DOCK9: variants seen among roughly 807,000 people sequenced by gnomAD.
DOCK9 encodes the protein dedicator of cytokinesis 9, also known as dedicator of cytokinesis protein 9.
In DOCK9, 89 loss-of-function variants were observed where a neutral mutation model predicts 263.3. The observed-to-expected ratio is 0.34, with a 90% CI of 0.28 to 0.40. The LOEUF is 0.40. DOCK9 is among the 10% of genes least tolerant of loss of function. The probability of loss-of-function intolerance (pLI) is 1.00; values close to 1 mark genes in which losing one functional copy is unlikely to be tolerated. For missense variants in DOCK9, 2,140 were observed against 2,603.4 expected, an observed-to-expected ratio of 0.82 and a Z score of 3.87; for synonymous variants, 976 against 973.1, an observed-to-expected ratio of 1.00 and a Z score of -0.06.
At chr13:99,059,259 T>TG (rs2041072401) in intron 1 of DOCK9, among the ~76,000 whole-genome samples, 1 of 152,204 alleles carries the variant, frequency 6.6e-6, no homozygotes, top group African/African-American at 2.4e-5. Context: ...CTGTATCAGC[T>TG]GCCTACTCAA....
chr13:99,033,742 C>T (rs146508516), intron 1 of DOCK9, among the ~76,000 whole-genome samples: 1 of 152,332 alleles, frequency 6.6e-6, no homozygotes, highest in East Asian at 1.9e-4. Flanking sequence ...ACTAAAGTGT[C>T]TGAACTAGGA....
intron 1 of DOCK9, among the ~76,000 whole-genome samples, chr13:99,036,401 C>T (rs1887884623): frequency 6.6e-6 from 1 of 152,162 alleles, no homozygotes; most frequent in South Asian, 2.1e-4. Context: ...TGTGAGAATA[C>T]AATAGAAGTC....
At chr13:98,824,337 G>A (rs2092431769) in intron 45 of DOCK9, 61 bp downstream of exon 45, 1 of 1,481,816 alleles carries the variant, frequency 6.7e-7, no homozygotes, top group Non-Finnish European at 9.4e-7. Context: ...CACTAGCAAT[G>A]CAAACAGCAG....
chr13:99,039,588 C>G (rs781347872), intron 1 of DOCK9, among the ~76,000 whole-genome samples: 12 of 152,182 alleles, frequency 7.9e-5, no homozygotes, highest in Non-Finnish European at 1.6e-4. Flanking sequence ...TTACCATTCT[C>G]TCAACAAGCA....
intron 38 of DOCK9, among the ~76,000 whole-genome samples, chr13:98,843,368 A>AAC (rs2093287754): frequency 1.3e-5 from 2 of 152,156 alleles, no homozygotes; most frequent in African/African-American, 2.4e-5. Flanking sequence ...ATATATATAA[A>AAC]ACACACACAC....
intron 32 of DOCK9, among the ~76,000 whole-genome samples, chr13:98,861,874 C>T (rs2141906165): frequency 6.6e-6 from 1 of 152,280 alleles, no homozygotes; most frequent in South Asian, 2.1e-4. Context: ...TCATGTCCCT[C>T]ACCTTGGCAT....
chr13:98,949,382 A>G (rs1425490123), intron 2 of DOCK9, among the ~76,000 whole-genome samples: 1 of 152,214 alleles, frequency 6.6e-6, no homozygotes, highest in African/African-American at 2.4e-5. Flanking sequence ...CAGGAGTCTT[A>G]CAGAGCCTTG....
chr13:98,978,050 G>A lies in DOCK9; in HGVS notation c.-141C>T. 1 of 1,436,854 alleles carries A rather than the reference G, an allele frequency of 7.0e-7. No homozygotes were observed. Among genetic ancestry groups the A allele is most frequent in the Non-Finnish European group, 9.1e-7 (1 of 1,100,280 alleles). 89.0% of individuals were successfully genotyped at this position (1,436,854 alleles called of 1,614,324 possible). On this transcript the variant is annotated 5_prime_UTR_variant, in exon 1 of 53. Coordinates refer to ENST00000682017, the MANE Select transcript of DOCK9 (RefSeq NM_001366683.2). ...GCACAAGTGGTCAGCCCCGCTGGCT[G>A]GGTCTGCAGAGCCTGTGGGGTGGGA... is the stretch of plus-strand genomic sequence containing the variant.
chr13:98,898,203 C>G lies in DOCK9; in HGVS notation c.1562G>C (p.Arg521Thr). Residue 521 changes from arginine (R) to threonine (T), a missense_variant, in exon 14 of 53, where the codon AGA becomes ACA. Around this residue, in one of 2 missense-constraint regions of DOCK9, gnomAD observed 1,521 missense variants for 1,741.7 expected, o/e 0.87. Transcript: ENST00000682017. ...CCTTGCTGCCCAAGCAAATGGCATT[C>G]TATACTGTCCTAGTCTTTGGCATGC... is the stretch of plus-strand genomic sequence containing the variant. ...KQACQRLGQY[R>T]MPFAWAARTL... The G allele has an allele frequency of 6.2e-7, 1 of 1,611,900 alleles. No individual in the cohort carries two copies. The highest frequency in any genetic ancestry group is 8.5e-7 in the Non-Finnish European group (1 of 1,179,014).
intron 1 of DOCK9, among the ~76,000 whole-genome samples, chr13:99,066,323 A>C (rs1182919108): frequency 1.3e-5 from 2 of 151,076 alleles, no homozygotes; most frequent in Non-Finnish European, 3.0e-5. Context: ...TGCCATGCAA[A>C]TTTGTGTTCT....
chr13:98,927,503 G>A (rs762489745), intron 3 of DOCK9, among the ~76,000 whole-genome samples: 2 of 152,126 alleles, frequency 1.3e-5, no homozygotes, highest in Non-Finnish European at 2.9e-5. Flanking sequence ...CAAGTCTCCT[G>A]CAGGACATTA....
chr13:99,067,651 T>C (rs184535154), intron 1 of DOCK9, among the ~76,000 whole-genome samples: 20 of 152,308 alleles, frequency 1.3e-4, no homozygotes, highest in African/African-American at 4.8e-4. Context: ...GACTTCTCCA[T>C]TGTGCAGGTG....
chr13:99,081,163 G>A (rs2042107234), intron 1 of DOCK9, among the ~76,000 whole-genome samples: 1 of 152,214 alleles, frequency 6.6e-6, no homozygotes, highest in African/African-American at 2.4e-5. Context: ...GGCCAGTTCA[G>A]TTATCAGCTT....
Position 98,879,951 on chromosome 13 carries a change from C to G in DOCK9, c.2890G>C (p.Asp964His), listed in dbSNP as rs549560636. Reference sequence around the variant, plus strand: ...TGAGCCATAGATTTGATCAGTACATCAAAGAAAAACCATGAGTACTAAAAG... The same window carrying G: ...TGAGCCATAGATTTGATCAGTACATGAAAGAAAAACCATGAGTACTAAAAG... ...KLLKYSWFFFDVLIKSMAQHL... is the reference protein window; with the variant it reads ...KLLKYSWFFFHVLIKSMAQHL... Residue 964 changes from aspartate to histidine, a missense_variant, in exon 27 of 53, where the codon GAT becomes CAT. Physicochemically the swap from Asp to His is moderately conservative, Grantham distance 81. This residue lies in a region of DOCK9 where 1,521 missense variants were observed against 1,741.7 expected (regional missense o/e 0.87). Transcript: ENST00000682017. 2.2e-5 allele frequency: 36 copies of G among 1,606,142 alleles called. No individual in the cohort carries two copies. Among genetic ancestry groups the G allele is most frequent in the Non-Finnish European group, 3.0e-5 (35 of 1,178,034 alleles).
intron 35 of DOCK9, among the ~76,000 whole-genome samples, chr13:98,852,732 T>C (rs2093608251): frequency 6.6e-6 from 1 of 152,246 alleles, no homozygotes; most frequent in South Asian, 2.1e-4. Flanking sequence ...GGATTGTTTA[T>C]ATTACATAGC....
intron 2 of DOCK9, among the ~76,000 whole-genome samples, chr13:98,953,981 C>G (rs1466567423): frequency 6.6e-6 from 1 of 152,124 alleles, no homozygotes; most frequent in Non-Finnish European, 1.5e-5. Flanking sequence ...TGTGAAAATT[C>G]TCACCTCTGT....
At chr13:98,858,845 A>G (rs1201343233) in intron 33 of DOCK9, 1 of 152,214 alleles carries the variant, frequency 6.6e-6, no homozygotes, top group Non-Finnish European at 1.5e-5. Context: ...CCCCAATCCT[A>G]ACAAGGTGAA....
intron 9 of DOCK9, among the ~76,000 whole-genome samples, chr13:98,912,794 C>T (rs2050266273): frequency 6.6e-6 from 1 of 152,094 alleles, no homozygotes; most frequent in South Asian, 2.1e-4. Flanking sequence ...GGTATCCATT[C>T]CGTTCACCCA....
At chr13:98,794,840 TA>T (rs2089154805) in intron 52 of DOCK9, 92 bp from the exon 53 acceptor site, 3 of 1,427,826 alleles carry the variant, frequency 2.1e-6, no homozygotes, top group Non-Finnish European at 2.9e-6. Flanking sequence ...TTACCAAGTG[TA>T]ACAAAATGTT....
Sources: gnomAD v4.1 joint callset for allele counts (sites outside exome capture counted in the v4.1 genomes callset) on GRCh38, gnomAD v4.1.1 for gene constraint, gnomAD v4.1.1 regional missense constraint, MANE v1.5 for transcripts, NCBI Gene and HGNC (gene_info 2026-07-23, HGNC 2026-07-21) for gene names.